Variants in ZNF326 observed in about 807,000 individuals in gnomAD.
The protein encoded by ZNF326 is DBIRD complex subunit ZNF326.
A neutral mutation model predicts 63.1 loss-of-function variants in ZNF326; 30 were observed. That is an observed-to-expected ratio of 0.48 (90% CI 0.36 to 0.64). ZNF326 has a LOEUF of 0.64. Among genes scored for constraint, ZNF326 ranks in the 30% least tolerant of loss-of-function variants. The pLI, the probability that ZNF326 is intolerant of heterozygous loss-of-function variation, is 0.00. For synonymous variants in ZNF326, 194 were observed against 228.2 expected (o/e 0.85, Z 1.35); for missense variants, 609 against 720.3 (o/e 0.85, Z 1.77).
rs970970488 is a variant in ZNF326, at chr1:90,005,072, T to C, written c.97+34T>C. 10 of 1,613,926 alleles carry C rather than the reference T, an allele frequency of 6.2e-6. No homozygotes were observed. In the African/African-American group the frequency reaches 1.3e-4, roughly 22 times the overall value. On this transcript the variant is annotated intron_variant, in intron 3 of 11. Transcript: ENST00000340281. ...TTCAAGGATATTTATCTAAAAATTCTTCTTTTGAGTGCCAGTAAAGGTGAG... is the reference window on the plus strand; with the variant it reads ...TTCAAGGATATTTATCTAAAAATTCCTCTTTTGAGTGCCAGTAAAGGTGAG...
intron 11 of ZNF326, 75 bp from the exon 12 acceptor site, chr1:90,027,279 C>A: frequency 7.3e-7 from 1 of 1,367,180 alleles, no homozygotes; most frequent in Non-Finnish European, 1.0e-6. Flanking sequence ...CATGATATGG[C>A]AAGTAAAAAT....
Position 90,032,984 on chromosome 1 carries a change from G to A in ZNF326, c.*5283G>A, listed in dbSNP as rs372054895. On this transcript the variant is annotated 3_prime_UTR_variant, in exon 12 of 12. Coordinates refer to ENST00000340281, the MANE Select transcript of ZNF326 (RefSeq NM_182976.4). ...GCACACAAAGAAAAATCTGCCAGCT[G>A]TCTATTTCCCAATTTTCCTTCTGAC... 2 of 152,156 alleles carry A rather than the reference G, an allele frequency of 1.3e-5. No individual in the cohort carries two copies. The highest frequency in any genetic ancestry group is 2.1e-4 in the South Asian group (1 of 4,830). The allele number at this position is 152,156 out of a possible 1,614,324, so 9.4% of individuals were successfully genotyped here. A position where few individuals can be genotyped will look rare whatever the true frequency, so the allele number is the denominator to read the frequency against.
chr1:90,007,804 C>A lies in ZNF326; in HGVS notation c.615+54C>A. 1 of 1,405,434 alleles carries A rather than the reference C, an allele frequency of 7.1e-7. No homozygotes were observed. The highest frequency in any genetic ancestry group is 9.4e-7 in the Non-Finnish European group (1 of 1,066,648). 87.1% of individuals were successfully genotyped at this position (1,405,434 alleles called of 1,614,324 possible). On this transcript the variant is annotated intron_variant, in intron 5 of 11. Transcript: ENST00000340281. The surrounding 1 kb of genome is among the most constrained non-coding windows in gnomAD (Gnocchi z 4.9). The stretch of plus-strand genomic sequence containing the variant: ...TTTTCACTAGTCACTCTTTTAAACC[C>A]TTTCAAGACCATCGTTTTCAACTAG...
At chr1:90,027,065 A>ATGTG (rs59960066) in intron 11 of ZNF326, among the ~76,000 whole-genome samples, 12,874 of 149,232 alleles carry the variant, frequency 0.086, 590 homozygotes, top group Middle Eastern at 0.13. Flanking sequence ...ATGTGTATAT[A>ATGTG]TGTGTGTGTG....
intron 9 of ZNF326, 72 bp downstream of exon 9, chr1:90,018,856 A>C: frequency 1.2e-6 from 1 of 866,466 alleles, no homozygotes; most frequent in Non-Finnish European, 1.7e-6. Flanking sequence ...TTAAATGTAA[A>C]TGATAGCCAC....
At chr1:90,013,775 G>T (rs1490922296) in intron 7 of ZNF326, among the ~76,000 whole-genome samples, 1 of 152,036 alleles carries the variant, frequency 6.6e-6, no homozygotes, top group Non-Finnish European at 1.5e-5. Flanking sequence ...AAATAAGAGG[G>T]GAATTGGGCT....
intron 1 of ZNF326, 107 bp from the exon 2 acceptor site, chr1:89,998,003 G>T: frequency 1.1e-6 from 1 of 913,352 alleles, no homozygotes; most frequent in Non-Finnish European, 1.7e-6. Context: ...AGATAATTGG[G>T]TTAATGTCAT....
intron 1 of ZNF326, among the ~76,000 whole-genome samples, chr1:89,996,324 T>C (rs550051612): frequency 1.3e-5 from 2 of 152,176 alleles, no homozygotes; most frequent in African/African-American, 4.8e-5. Context: ...ACCAAAAAAA[T>C]GATCTTTAAA....
At chr1:90,018,607 T>C in intron 8 of ZNF326, 78 bp from the exon 9 acceptor site, 1 of 717,614 alleles carries the variant, frequency 1.4e-6, no homozygotes, top group African/African-American at 1.9e-5. Flanking sequence ...GTATCTTCCA[T>C]AGAATGAACA....
rs1326240746 is a variant in ZNF326 at position 90,018,665 on chromosome 1, CTTTCT to C, written c.1075-19_1075-15del. 6.9e-7 allele frequency: 1 copy of C among 1,445,142 alleles called. No individual in the cohort carries two copies. The highest frequency in any genetic ancestry group is 9.5e-7 in the Non-Finnish European group (1 of 1,050,906). The allele number at this position is 1,445,142 out of a possible 1,614,324, so 89.5% of individuals were successfully genotyped here. A position where few individuals can be genotyped will look rare whatever the true frequency, so the allele number is the denominator to read the frequency against. ...GTGCTCATTGAAAGCTATTTAGATTCTTTCTATTTTGTTTTCTAGGAGTGTATGGT... is the reference window on the plus strand; with the variant it reads ...GTGCTCATTGAAAGCTATTTAGATTCATTTTGTTTTCTAGGAGTGTATGGT... On this transcript the variant is annotated splice_polypyrimidine_tract_variant and intron_variant, in intron 8 of 11. Transcript: ENST00000340281.
chr1:90,010,112 C>G lies in ZNF326; in HGVS notation c.640C>G (p.His214Asp). The change falls in exon 6 of 12, where the codon CAT (histidine) becomes GAT (aspartate). Residue 214 changes from histidine (H) to aspartate (D), a missense_variant. By Grantham distance (81) the His-to-Asp change is moderately conservative (BLOSUM62 -1). Transcript: ENST00000340281. ...RGHMGDFGSI[H>D]RPGIVVDYQN... Reference sequence around the variant, plus strand: ...GCATATGGGTGATTTTGGAAGCATTCATAGACCCGGAATTGTTGTTGACTA... The same window carrying G: ...GCATATGGGTGATTTTGGAAGCATTGATAGACCCGGAATTGTTGTTGACTA... 1.9e-6 allele frequency: 3 copies of G among 1,613,724 alleles called. No individual in the cohort carries two copies. The highest frequency in any genetic ancestry group is 2.5e-6 in the Non-Finnish European group (3 of 1,179,768).
chr1:90,027,508 A>T lies in ZNF326; in HGVS notation c.1556A>T (p.Glu519Val). Residue 519 changes from glutamate to valine, a missense_variant, in exon 12 of 12, where the codon GAA becomes GTA. Coordinates refer to ENST00000340281, the MANE Select transcript of ZNF326 (RefSeq NM_182976.4). ...GAAGTGGGGGAAGTAGAGGAAGTGG[A>T]AGAAGTAGAGGAAGTGAGAGAAGGA... ...AEEVGEVEEV[E>V]EVEEVREGGI... The T allele has an allele frequency of 6.2e-7, 1 of 1,612,514 alleles. No homozygotes were observed. Among genetic ancestry groups the T allele is most frequent in the South Asian group, 1.1e-5 (1 of 90,932 alleles).
At position 90,027,899 on chromosome 1, in the gene ZNF326, T is replaced by A. The variant is rs1650099570; in HGVS notation, c.*198T>A. ...CAAAACTATTTTAGTTTAGTTTTTA[T>A]AGCTACCAGACTTAGATCCGATAAA... On this transcript the variant is annotated 3_prime_UTR_variant, in exon 12 of 12. Coordinates refer to ENST00000340281, the MANE Select transcript of ZNF326 (RefSeq NM_182976.4). 2 of 573,412 alleles carry A rather than the reference T, an allele frequency of 3.5e-6. No homozygotes were observed. Among genetic ancestry groups the A allele is most frequent in the Non-Finnish European group, 6.1e-6 (2 of 330,286 alleles). 35.5% of individuals were successfully genotyped at this position (573,412 alleles called of 1,614,324 possible).
rs1570931486 is a variant in ZNF326 at position 89,998,157 on chromosome 1, A to G, written c.61+3A>G. ...GAATACTTATCAGGGCTTTAATGGT[A>G]AGTATCCTCTTTCAGCTTTTCTCTT... On this transcript the variant is annotated splice_donor_region_variant and intron_variant, in intron 2 of 11. Transcript: ENST00000340281. The G allele has an allele frequency of 6.2e-7, 1 of 1,612,890 alleles. No individual in the cohort carries two copies. Among genetic ancestry groups the G allele is most frequent in the East Asian group, 2.2e-5 (1 of 44,798 alleles).
At position 90,031,608 on chromosome 1, in the gene ZNF326, G is replaced by A. The variant is rs1650274622; in HGVS notation, c.*3907G>A. Reference sequence around the variant, plus strand: ...GCCTCACTCTGTCACCCAGGCTGGAGTTCAGTGGCACTATCTCAGCTCACT... The same window carrying A: ...GCCTCACTCTGTCACCCAGGCTGGAATTCAGTGGCACTATCTCAGCTCACT... On this transcript the variant is annotated 3_prime_UTR_variant, in exon 12 of 12. Transcript: ENST00000340281. 1 of 150,192 alleles carries A rather than the reference G, an allele frequency of 6.7e-6. No homozygotes were observed. The highest frequency in any genetic ancestry group is 1.5e-5 in the Non-Finnish European group (1 of 67,790). The allele number at this position is 150,192 out of a possible 1,614,324, so 9.3% of individuals were successfully genotyped here.
At chr1:89,996,771 C>T (rs1648400582) in intron 1 of ZNF326, among the ~76,000 whole-genome samples, 1 of 149,880 alleles carries the variant, frequency 6.7e-6, no homozygotes, top group South Asian at 2.1e-4. Flanking sequence ...AACAACAAAA[C>T]AAAAAACTAT....
At chr1:90,020,365 C>A (rs758018243) in intron 9 of ZNF326, among the ~76,000 whole-genome samples, 10 of 152,028 alleles carry the variant, frequency 6.6e-5, no homozygotes, top group Non-Finnish European at 1.5e-4. Context: ...CTGTAATAAA[C>A]CCCGGTCACC....
At chr1:90,020,997 A>C (rs1649742595) in intron 10 of ZNF326, 75 bp downstream of exon 10, 2 of 1,447,644 alleles carry the variant, frequency 1.4e-6, no homozygotes, top group Non-Finnish European at 1.9e-6. Context: ...CCATAGCTTC[A>C]CACCTATCTG....
chr1:90,011,516 GTTT>G (rs11317576), intron 6 of ZNF326, among the ~76,000 whole-genome samples: 34 of 126,748 alleles, frequency 2.7e-4, no homozygotes, highest in African/African-American at 6.0e-4. Context: ...AAATAGTTAA[GTTT>G]TTTTTTTTTT....
Sources: gnomAD v4.1 joint callset for allele counts (sites outside exome capture counted in the v4.1 genomes callset) on GRCh38, gnomAD v4.1.1 for gene constraint, Gnocchi (gnomAD v3.1) non-coding constraint, MANE v1.5 for transcripts, NCBI Gene and HGNC (gene_info 2026-07-23, HGNC 2026-07-21) for gene names.